Variants in COMMD2 observed in about 807,000 individuals in gnomAD.
The protein encoded by COMMD2 is COMM domain-containing protein 2.
A neutral mutation model predicts 22.5 loss-of-function variants in COMMD2; 25 were observed. The observed-to-expected ratio is 1.11, with a 90% CI of 0.81 to 1.55. The LOEUF (loss-of-function observed/expected upper bound fraction) is 1.55. COMMD2 is among the 40% of genes most tolerant of loss of function. The pLI is 0.00. For missense variants in COMMD2, 223 were observed against 232.9 expected, an observed-to-expected ratio of 0.96 and a Z score of 0.28; for synonymous variants, 98 against 91.2, an observed-to-expected ratio of 1.07 and a Z score of -0.42.
In COMMD2 at chr3:149,750,726, T is replaced by C; in HGVS notation, c.354A>G (p.Ala118=). Residue 118 remains alanine, a synonymous_variant, in exon 4 of 5, where the codon GCA becomes GCG. Coordinates refer to ENST00000473414, the MANE Select transcript of COMMD2 (RefSeq NM_016094.4). ...KEIRTILSEL[A]PSLPSYHNLE... ...GGTTATGATAACTGGGAAGGCTTGG[T>C]GCCAATTCACTCAGAATCGTTCTGA... 1 of 1,603,012 alleles carries C rather than the reference T, an allele frequency of 6.2e-7. No homozygotes were observed. The highest frequency in any genetic ancestry group is 1.1e-5 in the South Asian group (1 of 88,650).
intron 2 of COMMD2, 143 bp downstream of exon 2, chr3:149,752,067 G>T: frequency 3.0e-6 from 2 of 664,392 alleles, no homozygotes; most frequent in Non-Finnish European, 5.2e-6. Context: ...TTTGCACCCT[G>T]ACTGAAGAGC....
At chr3:149,744,552 T>A (rs969960542) in intron 4 of COMMD2, among the ~76,000 whole-genome samples, 1 of 152,188 alleles carries the variant, frequency 6.6e-6, no homozygotes. Flanking sequence ...TAAGCTATGA[T>A]GATTAATTTG....
chr3:149,748,638 A>G (rs568486183), intron 4 of COMMD2, among the ~76,000 whole-genome samples: 2 of 152,346 alleles, frequency 1.3e-5, no homozygotes, highest in East Asian at 3.9e-4. Context: ...ACGAGATAAT[A>G]TTTTAGGCTT....
chr3:149,742,898 A>G (rs1180073254), intron 4 of COMMD2, among the ~76,000 whole-genome samples: 1 of 151,532 alleles, frequency 6.6e-6, no homozygotes, highest in African/African-American at 2.4e-5. Context: ...CCTGGGAGGC[A>G]GAAGTTGTGG....
At chr3:149,747,040 A>G (rs868617272) in intron 4 of COMMD2, among the ~76,000 whole-genome samples, 1 of 152,204 alleles carries the variant, frequency 6.6e-6, no homozygotes, top group Non-Finnish European at 1.5e-5. Flanking sequence ...CCTTGACAAG[A>G]GGGATTATTA....
intron 2 of COMMD2, 36 bp from the exon 3 acceptor site, chr3:149,751,521 C>A (rs1474581745): frequency 1.2e-5 from 18 of 1,497,234 alleles, no homozygotes; most frequent in Non-Finnish European, 1.6e-5. Context: ...AAATAAATTA[C>A]TACTGTAGTA....
rs1249302423 is a variant in COMMD2, at chr3:149,739,464, T to C, written c.*2057A>G. The C allele has an allele frequency of 6.6e-6, 1 of 152,040 alleles. No homozygotes were observed. Among genetic ancestry groups the C allele is most frequent in the Non-Finnish European group, 1.5e-5 (1 of 67,994 alleles). 9.4% of individuals were successfully genotyped at this position (152,040 alleles called of 1,614,324 possible). On this transcript the variant is annotated 3_prime_UTR_variant, in exon 5 of 5. Transcript: ENST00000473414. ...TCACAGAAGGAATAATGGAGTACAGTGAAAGGAGGCCAAGGCAGGTTGATA... is the reference window on the plus strand; with the variant it reads ...TCACAGAAGGAATAATGGAGTACAGCGAAAGGAGGCCAAGGCAGGTTGATA...
At chr3:149,751,326 C>T in intron 3 of COMMD2, 77 bp downstream of exon 3, 1 of 1,601,004 alleles carries the variant, frequency 6.2e-7, no homozygotes, top group Non-Finnish European at 8.5e-7. Context: ...CAGGTACCTG[C>T]CAGGACTATG....
At position 149,741,714 on chromosome 3, in the gene COMMD2, G is replaced by T; in HGVS notation, c.407C>A (p.Ala136Glu). Residue 136 changes from alanine to glutamate, a missense_variant, in exon 5 of 5, where the codon GCA (alanine) becomes GAA (glutamate). Ala to Glu is a moderately radical substitution (Grantham distance 107). Transcript: ENST00000473414. ...NLEWRLDVQL[A>E]SRSLRQQIKP... ...AATCTGTTGCCTGAGACTTCTACTT[G>T]CAAGCTTGATTTTAAATGAAATAAG... 1 of 1,612,036 alleles carries T rather than the reference G, an allele frequency of 6.2e-7. No individual in the cohort carries two copies.
At chr3:149,749,014 C>T (rs1716450434) in intron 4 of COMMD2, among the ~76,000 whole-genome samples, 1 of 151,708 alleles carries the variant, frequency 6.6e-6, no homozygotes, top group Non-Finnish European at 1.5e-5. Flanking sequence ...TACTGTCTCT[C>T]TCTCTTTTTT....
intron 4 of COMMD2, among the ~76,000 whole-genome samples, chr3:149,742,057 T>C (rs1029463930): frequency 6.6e-6 from 1 of 151,832 alleles, no homozygotes; most frequent in Non-Finnish European, 1.5e-5. Context: ...GCAACAGACA[T>C]ATAACCAAAA....
At chr3:149,752,350 A>C (rs761278149) in intron 1 of COMMD2, 28 bp downstream of exon 1, 1 of 1,613,914 alleles carries the variant, frequency 6.2e-7, no homozygotes, top group Non-Finnish European at 8.5e-7. Context: ...TCCCCAGCCC[A>C]CAGAACACCG....
intron 4 of COMMD2, among the ~76,000 whole-genome samples, chr3:149,749,072 T>TG (rs952331280): frequency 2.6e-5 from 4 of 151,964 alleles, no homozygotes; most frequent in Non-Finnish European, 4.4e-5. Context: ...TGGAGTGCAG[T>TG]GGCACAATCT....
chr3:149,744,520 G>C (rs577810399), intron 4 of COMMD2, among the ~76,000 whole-genome samples: 1 of 152,286 alleles, frequency 6.6e-6, no homozygotes, highest in South Asian at 2.1e-4. Flanking sequence ...ATTAAGTCTG[G>C]GGAAATGTTC....
intron 2 of COMMD2, 45 bp from the exon 3 acceptor site, chr3:149,751,530 T>G: frequency 7.1e-7 from 1 of 1,414,744 alleles, no homozygotes; most frequent in East Asian, 2.4e-5. Flanking sequence ...ACTACTGTAG[T>G]ATTTATCTTG....
At chr3:149,743,777 T>C (rs928510205) in intron 4 of COMMD2, among the ~76,000 whole-genome samples, 5 of 152,210 alleles carry the variant, frequency 3.3e-5, no homozygotes, top group African/African-American at 1.2e-4. Context: ...TACTTATTTA[T>C]TCAATTATGC....
intron 2 of COMMD2, 179 bp downstream of exon 2, chr3:149,752,031 C>A (rs1716546109): frequency 1.8e-6 from 1 of 553,552 alleles, no homozygotes; most frequent in Non-Finnish European, 3.2e-6. Context: ...TTAACAATCT[C>A]ACAGCTACTT....
intron 4 of COMMD2, 151 bp downstream of exon 4, chr3:149,750,527 G>T: frequency 1.9e-6 from 1 of 534,780 alleles, no homozygotes. Flanking sequence ...AAAAGAAAAT[G>T]AATGATTTGT....
chr3:149,747,927 G>A (rs921667781), intron 4 of COMMD2, among the ~76,000 whole-genome samples: 10 of 128,748 alleles, frequency 7.8e-5, no homozygotes, highest in South Asian at 5.0e-4. Context: ...CAGTCTGGGC[G>A]ACTGAGCAAG....
Sources: allele counts gnomAD v4.1 joint callset (sites outside exome capture counted in the v4.1 genomes callset), GRCh38; gene constraint gnomAD v4.1.1; transcripts MANE v1.5; gene names NCBI Gene and HGNC (gene_info 2026-07-23, HGNC 2026-07-21).